Variants in THSD4 observed in about 807,000 individuals in gnomAD.
THSD4 encodes thrombospondin type-1 domain-containing protein 4.
A neutral mutation model predicts 119.0 loss-of-function variants in THSD4; 69 were observed. The ratio of observed to expected loss-of-function variants is 0.58; its 90% CI spans 0.48 to 0.71. The LOEUF is 0.71. Among genes scored for constraint, THSD4 ranks in the 30% least tolerant of loss-of-function variants. The pLI, the probability that THSD4 is intolerant of heterozygous loss-of-function variation, is 0.00. For missense variants in THSD4, 1,393 were observed against 1,391.1 expected (o/e 1.00, Z -0.02); for synonymous variants, 524 against 540.4 (o/e 0.97, Z 0.42).
Position 71,215,355 on chromosome 15 carries a change from C to G in THSD4, c.420C>G (p.Ser140Arg). The G allele has an allele frequency of 6.5e-7, 1 of 1,532,088 alleles. No individual in the cohort carries two copies. Among genetic ancestry groups the G allele is most frequent in the South Asian group, 1.2e-5 (1 of 83,876 alleles). The allele number at this position is 1,532,088 out of a possible 1,614,324, so 94.9% of individuals were successfully genotyped here. ...SRQGPTVLRG[S>R]RHPQPQGLEV... The stretch of plus-strand genomic sequence containing the variant: ...AGGGCCCCACGGTGCTGCGAGGCAG[C>G]CGGCACCCACAGCCCCAGGGCCTCG... Residue 140 changes from serine (S) to arginine (R), a missense_variant, in exon 4 of 18, where the codon AGC becomes AGG. Coordinates refer to ENST00000261862, the MANE Select transcript of THSD4 (RefSeq NM_024817.3).
At chr15:71,374,793 A>G (rs1035900179) in intron 6 of THSD4, among the ~76,000 whole-genome samples, 4 of 152,216 alleles carry the variant, frequency 2.6e-5, no homozygotes, top group Non-Finnish European at 4.4e-5. Context: ...TTTGCTAGAC[A>G]AGGCTATTAC....
chr15:71,159,637 T>G, intron 3 of THSD4, among the ~76,000 whole-genome samples: 1 of 152,146 alleles, frequency 6.6e-6, no homozygotes, highest in East Asian at 1.9e-4. Flanking sequence ...AATTTTGATT[T>G]TTTGTGTCCT....
At chr15:71,391,846 C>A (rs751109878) in intron 6 of THSD4, among the ~76,000 whole-genome samples, 2 of 152,088 alleles carry the variant, frequency 1.3e-5, no homozygotes, top group African/African-American at 4.8e-5. Flanking sequence ...CTGTCCAGAT[C>A]CAATAACAAA....
At chr15:71,544,821 A>C (rs1050628841) in intron 7 of THSD4, among the ~76,000 whole-genome samples, 1 of 152,228 alleles carries the variant, frequency 6.6e-6, no homozygotes, top group South Asian at 2.1e-4. Flanking sequence ...ATATTGCTTA[A>C]CCTTAAAAAG....
chr15:71,780,629 T>A lies in THSD4; in HGVS notation c.*3255T>A, dbSNP rs949340113. ...CTCAGTGCCCGCTGCCTGCAAGCTG[T>A]TGGGGACCCCAGGGAGGGCAAGGCA... On this transcript the variant is annotated 3_prime_UTR_variant, in exon 18 of 18. Coordinates refer to ENST00000261862, the MANE Select transcript of THSD4 (RefSeq NM_024817.3). 4 of 456,518 alleles carry A rather than the reference T, an allele frequency of 8.8e-6. No individual in the cohort carries two copies. The East Asian group carries it at 2.8e-4, about 32-fold the overall frequency. The allele number at this position is 456,518 out of a possible 1,614,324, so 28.3% of individuals were successfully genotyped here. A position where few individuals can be genotyped will look rare whatever the true frequency, so the allele number is the denominator to read the frequency against.
intron 3 of THSD4, among the ~76,000 whole-genome samples, chr15:71,206,271 C>G (rs931405689): frequency 2.0e-5 from 3 of 152,158 alleles, no homozygotes; most frequent in Admixed American, 1.3e-4. Flanking sequence ...CTCGGCCTCC[C>G]AAAGTGCTGG....
At chr15:71,492,227 A>G (rs1244074285) in intron 7 of THSD4, among the ~76,000 whole-genome samples, 1 of 151,882 alleles carries the variant, frequency 6.6e-6, no homozygotes. Context: ...CTAAGGTAGT[A>G]TGGCTGTTCC....
chr15:71,301,929 G>T (rs2044955994), intron 6 of THSD4, among the ~76,000 whole-genome samples: 1 of 152,098 alleles, frequency 6.6e-6, no homozygotes, highest in Non-Finnish European at 1.5e-5. Flanking sequence ...TAGTGTGGGG[G>T]GCTCCTGGGG....
At chr15:71,613,351 G>A (rs1389294492) in intron 7 of THSD4, among the ~76,000 whole-genome samples, 3 of 152,054 alleles carry the variant, frequency 2.0e-5, no homozygotes, top group East Asian at 3.9e-4. Flanking sequence ...ACTTGTCCCT[G>A]GATCCATTGT....
chr15:71,705,122 G>C (rs762856740), intron 8 of THSD4, among the ~76,000 whole-genome samples: 9 of 152,210 alleles, frequency 5.9e-5, no homozygotes, highest in Non-Finnish European at 1.2e-4. Flanking sequence ...CTGAAGGGCA[G>C]TCAAGGAGCT....
intron 6 of THSD4, among the ~76,000 whole-genome samples, chr15:71,278,682 C>A (rs939572335): frequency 1.3e-5 from 2 of 151,976 alleles, no homozygotes; most frequent in Non-Finnish European, 2.9e-5. Flanking sequence ...GGAGTTTGTT[C>A]GATTGTGCCA....
At chr15:71,193,776 C>T (rs565542238) in intron 3 of THSD4, among the ~76,000 whole-genome samples, 21 of 152,224 alleles carry the variant, frequency 1.4e-4, no homozygotes, top group South Asian at 8.3e-4. Context: ...GGCGTGATCT[C>T]GGCTCTCTGC....
At chr15:71,220,296 A>G in intron 4 of THSD4, among the ~76,000 whole-genome samples, 1 of 152,228 alleles carries the variant, frequency 6.6e-6, no homozygotes, top group Non-Finnish European at 1.5e-5. Context: ...GAATTTACTT[A>G]GCTGGAATAT....
chr15:71,339,553 G>A (rs2045536621), intron 6 of THSD4, among the ~76,000 whole-genome samples: 1 of 152,112 alleles, frequency 6.6e-6, no homozygotes, highest in Non-Finnish European at 1.5e-5. Context: ...GGTATGGGGT[G>A]TAGTGTTTAA....
intron 4 of THSD4, among the ~76,000 whole-genome samples, chr15:71,219,707 A>G (rs2043960039): frequency 6.6e-6 from 1 of 152,224 alleles, no homozygotes; most frequent in Non-Finnish European, 1.5e-5. Flanking sequence ...AATGCATGAC[A>G]ACATTTACAG....
At chr15:71,341,591 A>C in intron 6 of THSD4, 1 of 1,596,452 alleles carries the variant, frequency 6.3e-7, no homozygotes, top group Non-Finnish European at 8.6e-7. Flanking sequence ...GGCTTTTCGT[A>C]TATGCATACC....
chr15:71,450,017 G>A (rs576511671), intron 7 of THSD4, among the ~76,000 whole-genome samples: 32 of 152,286 alleles, frequency 2.1e-4, no homozygotes, highest in African/African-American at 7.5e-4. Flanking sequence ...CTGGCCTAGG[G>A]CAGCTGTCCA....
At chr15:71,294,964 C>T (rs1596319940) in intron 6 of THSD4, among the ~76,000 whole-genome samples, 1 of 150,104 alleles carries the variant, frequency 6.7e-6, no homozygotes, top group Non-Finnish European at 1.5e-5. Context: ...TCCACCTTTC[C>T]AGAGTTTTAT....
intron 7 of THSD4, among the ~76,000 whole-genome samples, chr15:71,558,864 T>C (rs1030581633): frequency 3.3e-5 from 5 of 152,136 alleles, no homozygotes; most frequent in African/African-American, 1.2e-4. Context: ...GGTTTCGGTG[T>C]TTTTTTAAAT....
Sources: allele counts gnomAD v4.1 joint callset (sites outside exome capture counted in the v4.1 genomes callset), GRCh38; gene constraint gnomAD v4.1.1; transcripts MANE v1.5; gene names NCBI Gene and HGNC (gene_info 2026-07-23, HGNC 2026-07-21).